KIF1B: variants seen among roughly 807,000 people sequenced by gnomAD.
KIF1B encodes kinesin-like protein KIF1B.
In KIF1B, 76 loss-of-function variants were observed where a neutral mutation model predicts 241.9. That is an observed-to-expected ratio of 0.31 (90% CI 0.26 to 0.38). The LOEUF is 0.38. Among genes scored for constraint, KIF1B ranks in the 10% least tolerant of loss-of-function variants. The pLI, the probability that KIF1B is intolerant of heterozygous loss-of-function variation, is 1.00. For missense variants in KIF1B, 1,622 were observed against 2,271.4 expected (o/e 0.71, Z 5.81); for synonymous variants, 750 against 796.7 (o/e 0.94, Z 0.99).
chr1:10,370,158 C>CAGG (rs1277047451), intron 44 of KIF1B, among the ~76,000 whole-genome samples: 1 of 149,878 alleles, frequency 6.7e-6, no homozygotes, highest in East Asian at 2.0e-4. Flanking sequence ...GAGGCTGTGG[C>CAGG]AGAATTGCTT....
At position 10,332,544 on chromosome 1, in the gene KIF1B, C is replaced by A. The variant is rs1370373435; in HGVS notation, c.2925-1976C>A. Reference sequence around the variant, plus strand: ...TTTTTTTTTTTTTTTGAGACGGAGTCTCACTCTGTCGCCCAGGCTGGAGTG... The same window carrying A: ...TTTTTTTTTTTTTTTGAGACGGAGTATCACTCTGTCGCCCAGGCTGGAGTG... On this transcript the variant is annotated intron_variant, in intron 27 of 48. Coordinates refer to ENST00000676179, the MANE Select transcript of KIF1B (RefSeq NM_001365951.3). Among the ~76,000 whole-genome samples the A allele has an allele frequency of 2.0e-5, 2 of 100,046 alleles. 1 individual carries two copies. Among genetic ancestry groups the A allele is most frequent in the Non-Finnish European group, 3.6e-5 (2 of 55,626 alleles). The allele number at this position is 100,046 out of a possible 152,430, so 65.6% of individuals were successfully genotyped here.
At chr1:10,268,284 AGGCTT>A in intron 7 of KIF1B, 21 bp downstream of exon 7, 1 of 1,462,388 alleles carries the variant, frequency 6.8e-7, no homozygotes, top group Non-Finnish European at 9.6e-7. Context: ...TTCAGTCTCT[AGGCTT>A]GAGTTGTGAA....
In KIF1B at chr1:10,295,674, A is replaced by G. The variant is rs139474816; in HGVS notation, c.1685A>G (p.Asp562Gly). The change falls in exon 19 of 49, where the codon GAT becomes GGT. Residue 562 changes from aspartate (D) to glycine (G), a missense_variant. Around this residue, in one of 7 missense-constraint regions of KIF1B, gnomAD observed 57 missense variants for 149.0 expected, o/e 0.38. Transcript: ENST00000676179. Reference protein sequence around the residue: ...KDGITRVGQADAERRQDIVLS... With the variant: ...KDGITRVGQAGAERRQDIVLS... ...CTTGTGTTCAGGGTTGGCCAAGCAG[A>G]TGCTGAGCGGCGCCAGGACATAGTG... The G allele has an allele frequency of 1.2e-6, 2 of 1,613,654 alleles. No homozygotes were observed. Among genetic ancestry groups the G allele is most frequent in the African/African-American group, 1.3e-5 (1 of 74,918 alleles).
intron 28 of KIF1B, among the ~76,000 whole-genome samples, chr1:10,335,513 A>G (rs1652131326): frequency 6.6e-6 from 1 of 152,160 alleles, no homozygotes; most frequent in Non-Finnish European, 1.5e-5. Flanking sequence ...TCGGCCTCCC[A>G]AAGTGCTGGA....
At chr1:10,321,651 G>T (rs981084154) in intron 23 of KIF1B, 58 bp from the exon 24 acceptor site, 3 of 1,542,236 alleles carry the variant, frequency 1.9e-6, no homozygotes, top group Non-Finnish European at 2.7e-6. Context: ...TAGAAGAGAG[G>T]TGTAATTTTT....
Position 10,303,281 on chromosome 1 carries a change from A to G in KIF1B, c.2115+6035A>G, listed in dbSNP as rs1381031618. On this transcript the variant is annotated intron_variant, in intron 22 of 48. Coordinates refer to ENST00000676179, the MANE Select transcript of KIF1B (RefSeq NM_001365951.3). The surrounding 1 kb of genome is among the most constrained non-coding windows in gnomAD (Gnocchi z 5.2). ...AGCAAGTTGCAAACCATTGTTAAAA[A>G]ATGTGGCCTCCCAAGCAGTGGGAAG... The G allele has an allele frequency of 6.2e-7, 1 of 1,614,206 alleles. No homozygotes were observed. The highest frequency in any genetic ancestry group is 1.7e-5 in the Admixed American group (1 of 60,020).
intron 27 of KIF1B, among the ~76,000 whole-genome samples, chr1:10,334,116 A>G (rs1469397002): frequency 6.9e-6 from 1 of 145,604 alleles, no homozygotes; most frequent in African/African-American, 2.6e-5. Context: ...GTGCCACTGT[A>G]CTACAGCCTG....
chr1:10,221,952 A>G (rs1450357143), intron 1 of KIF1B, among the ~76,000 whole-genome samples: 1 of 152,144 alleles, frequency 6.6e-6, no homozygotes, highest in African/African-American at 2.4e-5. Context: ...AGTAGCTGGG[A>G]CTACAGGCAT....
rs144313956 is a variant in KIF1B at position 10,371,469 on chromosome 1, C to T, written c.4946+207C>T. 8.4e-4 allele frequency among the ~76,000 whole-genome samples: 128 copies of T among 152,322 alleles called. 1 individual carries two copies. The East Asian group carries it at 0.023, about 27-fold the overall frequency. ...CACATCATAGCTTACTAACCTTCTG[C>T]ATCATCAACTCATCATGACTGTCTT... On this transcript the variant is annotated intron_variant, in intron 45 of 48. Transcript: ENST00000676179.
intron 7 of KIF1B, 88 bp downstream of exon 7, chr1:10,268,351 G>T (rs1569638835): frequency 2.4e-6 from 2 of 848,814 alleles, no homozygotes; most frequent in South Asian, 1.4e-5. Context: ...TTTGTGGAAG[G>T]TTGGGTGTTG....
At position 10,378,274 on chromosome 1, in the gene KIF1B, G is replaced by A. The variant is rs1638938601; in HGVS notation, c.*1687G>A. The A allele has an allele frequency of 5.6e-6, 4 of 716,762 alleles. No homozygotes were observed. Among genetic ancestry groups the A allele is most frequent in the Non-Finnish European group, 1.0e-5 (4 of 384,932 alleles). The allele number at this position is 716,762 out of a possible 1,614,324, so 44.4% of individuals were successfully genotyped here. ...TGTTCCCTGCTCCTCTCCATCTGGT[G>A]TGGAAACACTGCCCAGGGAGAAAGG... On this transcript the variant is annotated 3_prime_UTR_variant, in exon 49 of 49. Coordinates refer to ENST00000676179, the MANE Select transcript of KIF1B (RefSeq NM_001365951.3).
At chr1:10,278,944 T>G in intron 13 of KIF1B, 153 bp from the exon 14 acceptor site, 2 of 520,146 alleles carry the variant, frequency 3.8e-6, no homozygotes, top group Non-Finnish European at 7.1e-6. Flanking sequence ...AGAGTCCGAG[T>G]TTAGATGAAT....
chr1:10,242,489 C>T (rs1400918662), intron 2 of KIF1B, among the ~76,000 whole-genome samples: 1 of 152,100 alleles, frequency 6.6e-6, no homozygotes, highest in African/African-American at 2.4e-5. Flanking sequence ...AGAAAGGGTA[C>T]AAATATGATA....
chr1:10,343,194 T>C (rs772494991), intron 33 of KIF1B, 38 bp from the exon 34 acceptor site: 1 of 1,609,932 alleles, frequency 6.2e-7, no homozygotes, highest in Admixed American at 1.7e-5. Context: ...AATAAATAAC[T>C]CTTTATAGTC....
intron 27 of KIF1B, among the ~76,000 whole-genome samples, chr1:10,333,515 C>G (rs1301705070): frequency 6.6e-6 from 1 of 151,852 alleles, no homozygotes; most frequent in African/African-American, 2.4e-5. Context: ...CATGGTGAAA[C>G]CCTGTCTCTA....
chr1:10,319,695 C>G (rs1651449285), intron 22 of KIF1B, among the ~76,000 whole-genome samples: 1 of 152,088 alleles, frequency 6.6e-6, no homozygotes, highest in East Asian at 1.9e-4. Context: ...TAAGATATTA[C>G]TTGAATATAT....
rs1340872680 is a variant in KIF1B at position 10,373,007 on chromosome 1, G to A, written c.4947-1309G>A. On this transcript the variant is annotated intron_variant, in intron 45 of 48. Coordinates refer to ENST00000676179, the MANE Select transcript of KIF1B (RefSeq NM_001365951.3). Reference sequence around the variant, plus strand: ...TTTTTTTTTATTTTTAGTAGAGATCGGGTTTCACCATTTTGGTCAGGCTAG... The same window carrying A: ...TTTTTTTTTATTTTTAGTAGAGATCAGGTTTCACCATTTTGGTCAGGCTAG... Among the ~76,000 whole-genome samples the A allele has an allele frequency of 4.6e-5, 7 of 151,142 alleles. No homozygotes were observed. The East Asian group carries it at 8.0e-4, about 17-fold the overall frequency.
intron 22 of KIF1B, among the ~76,000 whole-genome samples, chr1:10,319,396 C>T (rs574096864): frequency 7.9e-5 from 12 of 152,178 alleles, no homozygotes; most frequent in South Asian, 2.1e-4. Flanking sequence ...CCACTGCACC[C>T]GGTCAGTAAT....
In KIF1B at chr1:10,326,364, G is replaced by A. The variant is rs750278986; in HGVS notation, c.2924+5G>A. ...TTGGTTCATTTTAGTGGGAAGGTTG[G>A]TGAGGTTATTGTGAGAAAGGCGAAA... is the stretch of plus-strand genomic sequence containing the variant. On this transcript the variant is annotated splice_donor_5th_base_variant and intron_variant, in intron 27 of 48. Transcript: ENST00000676179. The surrounding 1 kb of genome is among the most constrained non-coding windows in gnomAD (Gnocchi z 5.2). 2 of 1,614,160 alleles carry A rather than the reference G, an allele frequency of 1.2e-6. No homozygotes were observed. The highest frequency in any genetic ancestry group is 3.3e-5 in the Admixed American group (2 of 60,030).
Sources: allele counts gnomAD v4.1 joint callset (sites outside exome capture counted in the v4.1 genomes callset), GRCh38; gene constraint gnomAD v4.1.1; regional missense constraint gnomAD v4.1.1; non-coding constraint Gnocchi (gnomAD v3.1); transcripts MANE v1.5; gene names NCBI Gene and HGNC (gene_info 2026-07-23, HGNC 2026-07-21).